Variants in PLXNA4 observed in about 807,000 individuals in gnomAD.
PLXNA4 encodes the protein plexin A4, also known as plexin-A4.
Under a neutral mutation model 191.8 loss-of-function variants are expected in PLXNA4, and 44 were observed. The observed-to-expected ratio is 0.23, with a 90% CI of 0.18 to 0.29. PLXNA4 has a LOEUF of 0.29. PLXNA4 is among the 10% of genes least tolerant of loss of function. The probability of loss-of-function intolerance (pLI) is 1.00; values close to 1 mark genes in which losing one functional copy is unlikely to be tolerated. For missense variants in PLXNA4, 1,800 were observed against 2,488.8 expected, an observed-to-expected ratio of 0.72 and a Z score of 5.89; for synonymous variants, 1,082 against 1,009.5, an observed-to-expected ratio of 1.07 and a Z score of -1.36.
At chr7:132,265,624 T>C (rs1799821208) in intron 4 of PLXNA4, among the ~76,000 whole-genome samples, 2 of 152,148 alleles carry the variant, frequency 1.3e-5, no homozygotes, top group African/African-American at 4.8e-5. Context: ...TTCCTAGGTA[T>C]TTATGAATCC....
intron 21 of PLXNA4, among the ~76,000 whole-genome samples, chr7:132,171,394 C>T (rs1314344150): frequency 2.0e-5 from 3 of 152,246 alleles, no homozygotes; most frequent in Non-Finnish European, 4.4e-5. Context: ...CCCGTTCGTC[C>T]TCCCCATCTT....
Position 132,576,190 on chromosome 7 carries a change from G to C in PLXNA4, c.-87+232C>G, listed in dbSNP as rs1044436664. Among the ~76,000 whole-genome samples the C allele has an allele frequency of 2.0e-5, 3 of 152,250 alleles. No homozygotes were observed. The highest frequency in any genetic ancestry group is 4.4e-5 in the Non-Finnish European group (3 of 68,046). ...GAGCGTGAGAGGAGAACACACCCGGGAAATCCCTGCTCCGGCCGCTGCACC... is the reference window on the plus strand; with the variant it reads ...GAGCGTGAGAGGAGAACACACCCGGCAAATCCCTGCTCCGGCCGCTGCACC... On this transcript the variant is annotated intron_variant, in intron 1 of 31. Transcript: ENST00000321063. This position sits in a 1 kb window ranked among gnomAD's most constrained non-coding sequence, Gnocchi z 5.8.
upstream of PLXNA4, among the ~76,000 whole-genome samples, chr7:132,578,160 T>C (rs1391122697): frequency 6.6e-6 from 1 of 152,092 alleles, no homozygotes; most frequent in Non-Finnish European, 1.5e-5. Flanking sequence ...CCCAAACCTC[T>C]GCCTAGATCC....
At chr7:132,607,522 G>T (rs1205095717) in intron 2 of PLXNA4, among the ~76,000 whole-genome samples, 1 of 152,198 alleles carries the variant, frequency 6.6e-6, no homozygotes, top group Non-Finnish European at 1.5e-5. Flanking sequence ...TAATAACAAG[G>T]CTAAAGGGAT....
chr7:132,427,835 T>C lies in PLXNA4; in HGVS notation c.1371+61457A>G, dbSNP rs183392577. Among the ~76,000 whole-genome samples the C allele has an allele frequency of 3.9e-5, 6 of 152,278 alleles. No individual in the cohort carries two copies. The East Asian group carries it at 9.7e-4, about 25-fold the overall frequency. Reference sequence around the variant, plus strand: ...TCCAATGTGATCCTTCCTTTGCAAATGTTTTTGCAAAAGGAAAATGGAAGT... The same window carrying C: ...TCCAATGTGATCCTTCCTTTGCAAACGTTTTTGCAAAAGGAAAATGGAAGT... On this transcript the variant is annotated intron_variant, in intron 3 of 31. Transcript: ENST00000321063.
In PLXNA4 at chr7:132,368,757, C is replaced by T. The variant is rs75050281; in HGVS notation, c.1372-70535G>A. Among the ~76,000 whole-genome samples, 292 of 152,306 alleles carry T rather than the reference C, an allele frequency of 1.9e-3. 1 individual carries two copies. The highest frequency in any genetic ancestry group is 6.7e-3 in the African/African-American group (280 of 41,574). ...AGACGTCTGCTGAGGAGCTGGGCCC[C>T]GCCCTGAAGGAAGACAGCCCAGCCC... On this transcript the variant is annotated intron_variant, in intron 3 of 31. Transcript: ENST00000321063.
chr7:132,159,394 C>T, intron 25 of PLXNA4, 79 bp downstream of exon 25: 1 of 1,573,976 alleles, frequency 6.4e-7, no homozygotes, highest in Non-Finnish European at 8.6e-7. Flanking sequence ...TACCCCAGCC[C>T]TGCCTCTGCT....
chr7:132,320,677 T>C (rs921228295), intron 3 of PLXNA4, among the ~76,000 whole-genome samples: 1 of 152,176 alleles, frequency 6.6e-6, no homozygotes, highest in Admixed American at 6.5e-5. Context: ...GCTTTTGCTC[T>C]TGGTGGATGC....
chr7:132,632,100 G>A (rs965048662), intron 2 of PLXNA4, among the ~76,000 whole-genome samples: 20 of 152,104 alleles, frequency 1.3e-4, no homozygotes, highest in African/African-American at 4.6e-4. Context: ...GTCAGGCGTG[G>A]TGGCACACAC....
chr7:132,142,984 A>G (rs781556490), intron 29 of PLXNA4, among the ~76,000 whole-genome samples: 36 of 152,216 alleles, frequency 2.4e-4, no homozygotes, highest in Non-Finnish European at 3.8e-4. Context: ...GTTCCCGCCT[A>G]ATGAAATATT....
At chr7:132,333,797 A>G (rs1012839431) in intron 3 of PLXNA4, among the ~76,000 whole-genome samples, 2 of 152,092 alleles carry the variant, frequency 1.3e-5, no homozygotes, top group African/African-American at 4.8e-5. Context: ...GACACTTCCA[A>G]AGCTTTGTCA....
chr7:132,491,643 A>T (rs1057034716), intron 2 of PLXNA4, among the ~76,000 whole-genome samples: 6 of 151,670 alleles, frequency 4.0e-5, no homozygotes, highest in African/African-American at 1.5e-4. Context: ...AAAGAAAAAA[A>T]AAAAGAAAAA....
intron 3 of PLXNA4, among the ~76,000 whole-genome samples, chr7:132,351,156 C>T (rs1362062253): frequency 1.3e-5 from 2 of 152,156 alleles, no homozygotes; most frequent in Non-Finnish European, 2.9e-5. Flanking sequence ...AGGGTGATGG[C>T]TAAGGGATTT....
At chr7:132,361,484 G>A (rs1803940011) in intron 3 of PLXNA4, among the ~76,000 whole-genome samples, 1 of 152,188 alleles carries the variant, frequency 6.6e-6, no homozygotes. Flanking sequence ...TCTGTCAGCT[G>A]CAGAGAGGCT....
At chr7:132,156,131 G>GACAC (rs1224544237) in intron 25 of PLXNA4, among the ~76,000 whole-genome samples, 21 of 74,566 alleles carry the variant, frequency 2.8e-4, no homozygotes, top group African/African-American at 3.7e-4. Context: ...TCTGTTTCTG[G>GACAC]ACATACACAC....
chr7:132,185,845 T>C (rs1796862119), intron 15 of PLXNA4, among the ~76,000 whole-genome samples: 1 of 152,212 alleles, frequency 6.6e-6, no homozygotes, highest in South Asian at 2.1e-4. Context: ...TGTATCCTCT[T>C]AGTGATTTTT....
intron 1 of PLXNA4, among the ~76,000 whole-genome samples, chr7:132,562,330 CT>C (rs2116660996): frequency 1.1e-5 from 1 of 94,708 alleles, no homozygotes; most frequent in Admixed American, 1.0e-4. Context: ...CTCCTCCTCT[CT>C]CTCCTCCTCC....
chr7:132,255,682 G>C (rs1190944081), intron 4 of PLXNA4, among the ~76,000 whole-genome samples: 1 of 152,138 alleles, frequency 6.6e-6, no homozygotes, highest in Non-Finnish European at 1.5e-5. Flanking sequence ...ACTCCACTGG[G>C]TGATGCCCTG....
At chr7:132,473,972 C>A (rs1797027226) in intron 3 of PLXNA4, among the ~76,000 whole-genome samples, 1 of 151,818 alleles carries the variant, frequency 6.6e-6, no homozygotes, top group African/African-American at 2.4e-5. Context: ...GTTCAACAAG[C>A]AACTTAGAAC....
Sources: allele counts gnomAD v4.1 joint callset (sites outside exome capture counted in the v4.1 genomes callset), GRCh38; gene constraint gnomAD v4.1.1; non-coding constraint Gnocchi (gnomAD v3.1); transcripts MANE v1.5; gene names NCBI Gene and HGNC (gene_info 2026-07-23, HGNC 2026-07-21).